RTL1: variants seen among roughly 807,000 people sequenced by gnomAD.
RTL1 encodes retrotransposon Gag like 1, also known as retrotransposon-like protein 1.
For synonymous variants in RTL1, 727 were observed against 748.4 expected, an observed-to-expected ratio of 0.97 and a Z score of 0.47; for missense variants, 1,681 against 1,767.5, an observed-to-expected ratio of 0.95 and a Z score of 0.88.
At chr14:100,898,448 T>C (rs918863693) in intron 2 of RTL1, among the ~76,000 whole-genome samples, 1 of 152,252 alleles carries the variant, frequency 6.6e-6, no homozygotes, top group Non-Finnish European at 1.5e-5. Flanking sequence ...TTTGCAAAAG[T>C]TTATTTTCAT....
Position 100,881,676 on chromosome 14 carries a change from T to C in RTL1, c.3113A>G (p.Gln1038Arg). The change falls in exon 4 of 4, where the codon CAG (glutamine) becomes CGG (arginine). Residue 1038 changes from glutamine to arginine, a missense_variant. Gln to Arg is a conservative substitution (Grantham distance 43). Coordinates refer to ENST00000649591, the MANE Select transcript of RTL1 (RefSeq NM_001134888.3). This position sits in a 1 kb window ranked among gnomAD's most constrained non-coding sequence, Gnocchi z 6.6. ...TAGGATCTGTTCATTGAGCTCATCC[T>C]GTTCTTCATTCTCTTCTTCCCCGGA... ...TESGEEENEE[Q>R]DELNEQILRQ... 1 of 1,555,096 alleles carries C rather than the reference T, an allele frequency of 6.4e-7. No homozygotes were observed. The highest frequency in any genetic ancestry group is 8.7e-7 in the Non-Finnish European group (1 of 1,148,682).
chr14:100,891,164 A>G (rs2038771516), intron 3 of RTL1, among the ~76,000 whole-genome samples: 1 of 152,090 alleles, frequency 6.6e-6, no homozygotes, highest in South Asian at 2.1e-4. Flanking sequence ...GGCATAGCTT[A>G]TGTTGGAGTC....
At chr14:100,887,783 C>T (rs147465326) in intron 3 of RTL1, among the ~76,000 whole-genome samples, 2 of 152,200 alleles carry the variant, frequency 1.3e-5, no homozygotes, top group Non-Finnish European at 2.9e-5. Flanking sequence ...GGCTGAAGTC[C>T]AAATTCCTTA....
intron 2 of RTL1, among the ~76,000 whole-genome samples, chr14:100,901,228 A>G (rs1208310572): frequency 2.6e-5 from 4 of 152,188 alleles, no homozygotes; most frequent in Non-Finnish European, 5.9e-5. Flanking sequence ...GCCCCCGAGG[A>G]CCTTGGGCAT....
intron 3 of RTL1, among the ~76,000 whole-genome samples, chr14:100,892,878 C>T (rs753997093): frequency 2.0e-5 from 3 of 152,124 alleles, no homozygotes; most frequent in Non-Finnish European, 4.4e-5. Context: ...TGACTTTGCT[C>T]CTAACGAGTT....
rs76090066 is a variant in RTL1 at position 100,881,018 on chromosome 14, C to T, written c.3771G>A (p.Gln1257=). Residue 1257 remains glutamine, a synonymous_variant, in exon 4 of 4, where the codon CAG becomes CAA. Transcript: ENST00000649591. The surrounding 1 kb of genome is among the most constrained non-coding windows in gnomAD (Gnocchi z 6.6). ...CCTGCACGTCGTTGTCCTGCTTGTC[C>T]TGCGAGGTGTCTTGCAGGCCGTCAT... The part of the protein sequence containing the change: ...GLHDGLQDTS[Q]DKQDNDVQEA... 1.6e-3 allele frequency: 2,609 copies of T among 1,590,188 alleles called. 3 individuals are homozygous for T. Among genetic ancestry groups the T allele is most frequent in the Non-Finnish European group, 2.1e-3 (2,439 of 1,168,490 alleles).
chr14:100,891,131 G>A lies in RTL1; in HGVS notation c.-87+2313C>T, dbSNP rs144563579. Among the ~76,000 whole-genome samples, 150 of 152,140 alleles carry A rather than the reference G, an allele frequency of 9.9e-4. 1 individual carries two copies. In the East Asian group the frequency reaches 0.019, roughly 19 times the overall value. ...GTCCTGGGGATCCCAGTGGACTGTG[G>A]AGTCTGCAGGGGCTGCTGGCCTGGC... On this transcript the variant is annotated intron_variant, in intron 3 of 3. Transcript: ENST00000649591.
rs747519223 is a variant in RTL1 at position 100,883,407 on chromosome 14, G to T, written c.1382C>A (p.Ser461Tyr). The T allele has an allele frequency of 7.7e-6, 12 of 1,550,346 alleles. No individual in the cohort carries two copies. In the South Asian group the frequency reaches 1.3e-4, roughly 17 times the overall value. Reference sequence around the variant, plus strand: ...GTTGCCAATCAGCGAGCCGTCCACGGATTGGACCGGCTGTGGGTACGGCTT... The same window carrying T: ...GTTGCCAATCAGCGAGCCGTCCACGTATTGGACCGGCTGTGGGTACGGCTT... The part of the protein sequence containing the change: ...YEKPYPQPVQ[S>Y]VDGSLIGNEP... The change falls in exon 4 of 4, where the codon TCC (serine) becomes TAC (tyrosine). Residue 461 changes from serine (S) to tyrosine (Y), a missense_variant. Physicochemically the swap from Ser to Tyr is moderately radical, Grantham distance 144. Coordinates refer to ENST00000649591, the MANE Select transcript of RTL1 (RefSeq NM_001134888.3). The surrounding 1 kb of genome is among the most constrained non-coding windows in gnomAD (Gnocchi z 5.9).
chr14:100,881,596 C>T lies in RTL1; in HGVS notation c.3193G>A (p.Ala1065Thr), dbSNP rs988429045. 18 of 1,551,710 alleles carry T rather than the reference C, an allele frequency of 1.2e-5. No homozygotes were observed. Among genetic ancestry groups the T allele is most frequent in the Non-Finnish European group, 1.4e-5 (16 of 1,147,006 alleles). Reference protein sequence around the residue: ...PIDQILNSFLAHFSMAQIRAV... With the variant: ...PIDQILNSFLTHFSMAQIRAV... The stretch of plus-strand genomic sequence containing the variant: ...CTGATCTGGGCCATGCTGAAGTGGG[C>T]GAGGAAGCTGTTGAGGATCTGGTCG... Residue 1065 changes from alanine to threonine, a missense_variant, in exon 4 of 4, where the codon GCC becomes ACC. Ala to Thr is a moderately conservative substitution (Grantham distance 58, BLOSUM62 0). Coordinates refer to ENST00000649591, the MANE Select transcript of RTL1 (RefSeq NM_001134888.3). The surrounding 1 kb of genome is among the most constrained non-coding windows in gnomAD (Gnocchi z 6.6).
At chr14:100,897,013 G>T (rs778400846) in intron 2 of RTL1, among the ~76,000 whole-genome samples, 1 of 152,176 alleles carries the variant, frequency 6.6e-6, no homozygotes, top group Non-Finnish European at 1.5e-5. Context: ...GCACTCCCCC[G>T]TGGGTGCTGG....
chr14:100,880,705 G>GGC lies in RTL1; in HGVS notation c.*5_*6dup. 1 of 1,550,756 alleles carries GGC rather than the reference G, an allele frequency of 6.4e-7. No homozygotes were observed. Among genetic ancestry groups the GGC allele is most frequent in the South Asian group, 1.2e-5 (1 of 84,038 alleles). On this transcript the variant is annotated 3_prime_UTR_variant, in exon 4 of 4. Transcript: ENST00000649591. ...GGGGACTCTTTGCTGGAGACAGGGA[G>GGC]GCGTCTTCAGTCGAGGTTAGCATCT... is the stretch of plus-strand genomic sequence containing the variant.
chr14:100,884,990 T>C (rs762100013), intron 3 of RTL1, 116 bp from the exon 4 acceptor site: 3 of 501,146 alleles, frequency 6.0e-6, no homozygotes, highest in Non-Finnish European at 1.0e-5. Context: ...CAGAGAGAAA[T>C]GGGGGAAAGC....
At position 100,882,280 on chromosome 14, in the gene RTL1, G is replaced by T; in HGVS notation, c.2509C>A (p.Leu837Met). The T allele has an allele frequency of 3.2e-6, 5 of 1,551,640 alleles. No individual in the cohort carries two copies. The highest frequency in any genetic ancestry group is 4.4e-6 in the Non-Finnish European group (5 of 1,147,024). Residue 837 changes from leucine (L) to methionine (M), a missense_variant, in exon 4 of 4, where the codon CTG (leucine) becomes ATG (methionine). Coordinates refer to ENST00000649591, the MANE Select transcript of RTL1 (RefSeq NM_001134888.3). Reference sequence around the variant, plus strand: ...CAGTAGAACTGGTAGGAGCTCAGCAGCTGCCGCACCAGGGGCTCTGCGATG... The same window carrying T: ...CAGTAGAACTGGTAGGAGCTCAGCATCTGCCGCACCAGGGGCTCTGCGATG... ...SIIAEPLVRQ[L>M]LSSYQFYWGV... is the part of the protein sequence containing the mutation.
chr14:100,882,387 G>C lies in RTL1; in HGVS notation c.2402C>G (p.Pro801Arg). ...KNVMTIITGY[P>R]TPGSKLSLRN... ...CAGAGATAGCTTGGAGCCAGGGGTA[G>C]GGTACCCTGTTATGATGGTCATGAC... Residue 801 changes from proline (P) to arginine (R), a missense_variant, in exon 4 of 4, where the codon CCT becomes CGT. Physicochemically the swap from Pro to Arg is moderately radical, Grantham distance 103. Transcript: ENST00000649591. The C allele has an allele frequency of 6.4e-7, 1 of 1,551,842 alleles. No individual in the cohort carries two copies.
Position 100,883,987 on chromosome 14 carries a change from G to A in RTL1, c.802C>T (p.Pro268Ser). The A allele has an allele frequency of 6.4e-7, 1 of 1,551,674 alleles. No individual in the cohort carries two copies. ...QENSPLIGDFPAFLEAMSEVF... is the reference protein window; with the variant it reads ...QENSPLIGDFSAFLEAMSEVF... ...TCGGACATGGCCTCCAGGAAGGCTG[G>A]GAAGTCTCCGATCAGGGGGCTGTTT... The change falls in exon 4 of 4, where the codon CCA becomes TCA. Residue 268 changes from proline (P) to serine (S), a missense_variant. By Grantham distance (74) the Pro-to-Ser change is moderately conservative. Coordinates refer to ENST00000649591, the MANE Select transcript of RTL1 (RefSeq NM_001134888.3). This position sits in a 1 kb window ranked among gnomAD's most constrained non-coding sequence, Gnocchi z 5.9.
At chr14:100,900,805 G>A (rs1211941045) in intron 2 of RTL1, among the ~76,000 whole-genome samples, 2 of 152,066 alleles carry the variant, frequency 1.3e-5, no homozygotes, top group African/African-American at 2.4e-5. Context: ...ACCCTGCATC[G>A]CGCCCCCTCC....
intron 2 of RTL1, among the ~76,000 whole-genome samples, chr14:100,895,937 G>C (rs1481449598): frequency 6.6e-6 from 1 of 152,068 alleles, no homozygotes; most frequent in African/African-American, 2.4e-5. Context: ...GCTGGGCGTG[G>C]TGGTGCATGC....
At chr14:100,890,465 G>A (rs376648918) in intron 3 of RTL1, among the ~76,000 whole-genome samples, 1,593 of 151,376 alleles carry the variant, frequency 0.011, 24 homozygotes, top group Middle Eastern at 0.024. Flanking sequence ...GCCGGGGTGG[G>A]GGAATTAGGG....
intron 2 of RTL1, among the ~76,000 whole-genome samples, chr14:100,895,306 G>A (rs368984476): frequency 6.6e-6 from 1 of 152,138 alleles, no homozygotes; most frequent in South Asian, 2.1e-4. Context: ...ATGGATGACT[G>A]TGGGGGTCAG....
Sources: gnomAD v4.1 joint callset for allele counts (sites outside exome capture counted in the v4.1 genomes callset) on GRCh38, gnomAD v4.1.1 for gene constraint, Gnocchi (gnomAD v3.1) non-coding constraint, MANE v1.5 for transcripts, NCBI Gene and HGNC (gene_info 2026-07-23, HGNC 2026-07-21) for gene names.